The following MRPS27 variants were observed in gnomAD, a reference collection of about 807,000 sequenced individuals.
MRPS27 encodes the protein small ribosomal subunit protein mS27.
In MRPS27, 43 loss-of-function variants were observed where a neutral mutation model predicts 48.9. That is an observed-to-expected ratio of 0.88 (90% confidence interval 0.69 to 1.13). MRPS27 has a LOEUF of 1.13. MRPS27 is among the 50% of genes most tolerant of loss of function. The pLI, the probability that MRPS27 is intolerant of heterozygous loss-of-function variation, is 0.00. For missense variants in MRPS27, 467 were observed against 476.3 expected (o/e 0.98, Z 0.18); for synonymous variants, 188 against 171.9 (o/e 1.09, Z -0.73).
At chr5:72,232,359 A>G in intron 7 of MRPS27, 84 bp downstream of exon 7, 1 of 934,948 alleles carries the variant, frequency 1.1e-6, no homozygotes, top group East Asian at 2.7e-5. Flanking sequence ...ACAGAGCTGC[A>G]GACACCTTTT....
chr5:72,250,775 A>T (rs1748644253), intron 4 of MRPS27, among the ~76,000 whole-genome samples: 1 of 152,204 alleles, frequency 6.6e-6, no homozygotes, highest in African/African-American at 2.4e-5. Flanking sequence ...ACTAAAATAT[A>T]TATTTTTAAA....
At chr5:72,244,677 CA>C (rs1748458353) in intron 4 of MRPS27, among the ~76,000 whole-genome samples, 1 of 145,334 alleles carries the variant, frequency 6.9e-6, no homozygotes, top group African/African-American at 2.9e-5. Flanking sequence ...CCTTTAATTC[CA>C]ATTTTTTTTT....
chr5:72,262,309 G>A (rs373851797), intron 4 of MRPS27, among the ~76,000 whole-genome samples: 2 of 152,208 alleles, frequency 1.3e-5, no homozygotes, highest in African/African-American at 2.4e-5. Flanking sequence ...AGCAGTCAAC[G>A]AAAGGTGCTG....
intron 2 of MRPS27, among the ~76,000 whole-genome samples, chr5:72,304,235 A>T (rs941428264): frequency 2.6e-5 from 4 of 152,094 alleles, no homozygotes; most frequent in African/African-American, 4.8e-5. Flanking sequence ...GTGGAGGGGA[A>T]AAAAACGTAA....
chr5:72,253,339 G>T lies in MRPS27; in HGVS notation c.282-15211C>A, dbSNP rs73761742. On this transcript the variant is annotated intron_variant, in intron 4 of 10. Coordinates refer to ENST00000261413, the MANE Select transcript of MRPS27 (RefSeq NM_015084.3). ...TAAGCACATATGATCAATCTATCAC[G>T]TTTAATCACAACACTTCCACAGGCA... 5.7e-3 allele frequency among the ~76,000 whole-genome samples: 862 copies of T among 152,150 alleles called. 8 individuals carry two copies. The highest frequency in any genetic ancestry group is 5.5e-3 in the Non-Finnish European group (372 of 68,012).
intron 4 of MRPS27, among the ~76,000 whole-genome samples, chr5:72,289,599 CT>C (rs935116984): frequency 1.2e-3 from 186 of 151,950 alleles, no homozygotes; most frequent in African/African-American, 4.4e-3. Context: ...TTTTTTGTAT[CT>C]TTTTATAGAG....
intron 2 of MRPS27, among the ~76,000 whole-genome samples, chr5:72,301,376 GTC>G (rs1256574357): frequency 1.3e-5 from 2 of 152,172 alleles, no homozygotes; most frequent in East Asian, 1.9e-4. Flanking sequence ...GATGTTAAAT[GTC>G]TCTCTCATAA....
intron 4 of MRPS27, among the ~76,000 whole-genome samples, chr5:72,292,068 T>A (rs1156625662): frequency 6.6e-6 from 1 of 152,220 alleles, no homozygotes; most frequent in Non-Finnish European, 1.5e-5. Flanking sequence ...TTATCTTATT[T>A]AAGTTTTCTT....
chr5:72,240,411 CGAAAT>C (rs1379855289), intron 4 of MRPS27, among the ~76,000 whole-genome samples: 1 of 151,724 alleles, frequency 6.6e-6, no homozygotes, highest in Admixed American at 6.6e-5. Flanking sequence ...AGAAACAAAA[CGAAAT>C]ATAATTATTT....
At chr5:72,228,033 C>T in intron 8 of MRPS27, 1 of 550,878 alleles carries the variant, frequency 1.8e-6, no homozygotes, top group East Asian at 3.0e-5. Flanking sequence ...ATATTATTAC[C>T]TATATCCACC....
In MRPS27 at chr5:72,220,695, A is replaced by T. The variant is rs1448930428; in HGVS notation, c.*214T>A. 4.8e-6 allele frequency: 3 copies of T among 623,798 alleles called. No homozygotes were observed. The highest frequency in any genetic ancestry group is 8.2e-6 in the Non-Finnish European group (3 of 365,720). 38.6% of individuals were successfully genotyped at this position (623,798 alleles called of 1,614,324 possible). ...TCCTCCTTAAGGTATTCAGCTGGTG[A>T]CTTCAGTCTGACCACTAGCCACCTG... is the stretch of plus-strand genomic sequence containing the variant. On this transcript the variant is annotated 3_prime_UTR_variant, in exon 11 of 11. Transcript: ENST00000261413.
intron 4 of MRPS27, among the ~76,000 whole-genome samples, chr5:72,266,752 C>T (rs936833587): frequency 8.6e-5 from 13 of 151,876 alleles, no homozygotes; most frequent in Non-Finnish European, 1.5e-4. Flanking sequence ...CACAGCTACT[C>T]GGGAGGCTGA....
Position 72,220,681 on chromosome 5 carries a change from G to T in MRPS27, c.*228C>A. ...ATGAGCCTCAAGAGTCCTCCTTAAGGTATTCAGCTGGTGACTTCAGTCTGA... is the reference window on the plus strand; with the variant it reads ...ATGAGCCTCAAGAGTCCTCCTTAAGTTATTCAGCTGGTGACTTCAGTCTGA... On this transcript the variant is annotated 3_prime_UTR_variant, in exon 11 of 11. Transcript: ENST00000261413. 1.7e-6 allele frequency: 1 copy of T among 583,682 alleles called. No homozygotes were observed. Among genetic ancestry groups the T allele is most frequent in the Non-Finnish European group, 3.0e-6 (1 of 333,826 alleles). 36.2% of individuals were successfully genotyped at this position (583,682 alleles called of 1,614,324 possible). A position where few individuals can be genotyped will look rare whatever the true frequency, so the allele number is the denominator to read the frequency against.
chr5:72,304,403 G>C (rs188602274), intron 2 of MRPS27, among the ~76,000 whole-genome samples: 109 of 152,226 alleles, frequency 7.2e-4, no homozygotes, highest in Non-Finnish European at 1.3e-3. Context: ...CTAGTTAAAA[G>C]ATAATGATTG....
At chr5:72,291,893 A>T (rs1749828832) in intron 4 of MRPS27, among the ~76,000 whole-genome samples, 1 of 152,206 alleles carries the variant, frequency 6.6e-6, no homozygotes, top group Admixed American at 6.5e-5. Context: ...TTCTCAGAAG[A>T]CAGCTTGAAA....
At chr5:72,303,077 A>G (rs961468) in intron 2 of MRPS27, among the ~76,000 whole-genome samples, 16,439 of 152,202 alleles carry the variant, frequency 0.11, 2,077 homozygotes, top group African/African-American at 0.3. Flanking sequence ...ATTCTATAGA[A>G]ACAAAAAAGC....
chr5:72,243,371 T>C (rs1357277598), intron 4 of MRPS27, among the ~76,000 whole-genome samples: 2 of 152,202 alleles, frequency 1.3e-5, no homozygotes, highest in African/African-American at 2.4e-5. Flanking sequence ...AATTCTGCTT[T>C]CAGAATTGTT....
At chr5:72,291,683 A>G (rs1749824041) in intron 4 of MRPS27, among the ~76,000 whole-genome samples, 1 of 152,284 alleles carries the variant, frequency 6.6e-6, no homozygotes, top group Admixed American at 6.5e-5. Context: ...AAATAAAAAT[A>G]TAATTTTATT....
intron 8 of MRPS27, chr5:72,227,058 T>TG (rs1279465006): frequency 1.3e-5 from 2 of 152,286 alleles, no homozygotes; most frequent in African/African-American, 4.8e-5. Flanking sequence ...ACCTTTAAGG[T>TG]GCTTGGGGCT....
Sources: gnomAD v4.1 joint callset for allele counts (sites outside exome capture counted in the v4.1 genomes callset) on GRCh38, gnomAD v4.1.1 for gene constraint, MANE v1.5 for transcripts, NCBI Gene and HGNC (gene_info 2026-07-23, HGNC 2026-07-21) for gene names.